OR6C2: variants seen among roughly 807,000 people sequenced by gnomAD.
OR6C2 encodes the protein olfactory receptor family 6 subfamily C member 2.
For missense variants in OR6C2, 435 were observed against 365.8 expected, an observed-to-expected ratio of 1.19 and a Z score of -1.54; for synonymous variants, 146 against 134.2, an observed-to-expected ratio of 1.09 and a Z score of -0.61.
chr12:55,452,254 G>T lies in OR6C2; in HGVS notation c.41G>T (p.Gly14Val), dbSNP rs1208709741. ...HTVIRTFILL[G>V]LTGDPHLQVL... Reference sequence around the variant, plus strand: ...GTAATAAGAACTTTTATCCTGCTGGGACTGACAGGTGACCCACACCTGCAA... The same window carrying T: ...GTAATAAGAACTTTTATCCTGCTGGTACTGACAGGTGACCCACACCTGCAA... The change falls in exon 2 of 2, where the codon GGA (glycine) becomes GTA (valine). Residue 14 changes from glycine (G) to valine (V), a missense_variant. Transcript: ENST00000641202. 1 of 1,609,318 alleles carries T rather than the reference G, an allele frequency of 6.2e-7. No individual in the cohort carries two copies. The highest frequency in any genetic ancestry group is 8.5e-7 in the Non-Finnish European group (1 of 1,177,640).
At chr12:55,448,652 A>AAAAAAAAAAG (rs1263236328) in intron 1 of OR6C2, among the ~76,000 whole-genome samples, 2 of 146,968 alleles carry the variant, frequency 1.4e-5, no homozygotes, top group African/African-American at 5.0e-5. Context: ...GCAAAAAAAA[A>AAAAAAAAAAG]AAAAAAAGAA....
At chr12:55,444,809 G>C (rs1351471898) in intron 1 of OR6C2, among the ~76,000 whole-genome samples, 1 of 152,062 alleles carries the variant, frequency 6.6e-6, no homozygotes, top group African/African-American at 2.4e-5. Flanking sequence ...TGAAGTAGTT[G>C]GGAGAAAATT....
Position 55,451,856 on chromosome 12 carries a change from G to A in OR6C2, c.-358G>A, listed in dbSNP as rs573337010. On this transcript the variant is annotated 5_prime_UTR_variant, in exon 2 of 2. An upstream start codon of the reference 5' UTR is lost. Coordinates refer to ENST00000641202, the MANE Select transcript of OR6C2 (RefSeq NM_054105.2). ...TCAGAGTTTGTCCTGGACAAAAAAT[G>A]TTTAAGTACCTATAAAATGACATCA... The A allele has an allele frequency of 4.2e-4, 77 of 184,328 alleles. No homozygotes were observed. Among genetic ancestry groups the A allele is most frequent in the Non-Finnish European group, 7.9e-4 (71 of 89,388 alleles). 11.4% of individuals were successfully genotyped at this position (184,328 alleles called of 1,614,324 possible).
chr12:55,449,280 A>T (rs1357063042), intron 1 of OR6C2, among the ~76,000 whole-genome samples: 1 of 152,022 alleles, frequency 6.6e-6, no homozygotes. Flanking sequence ...AATACTTTTT[A>T]AAAATGGGTT....
At chr12:55,446,838 A>T (rs1871371868) in intron 1 of OR6C2, among the ~76,000 whole-genome samples, 1 of 152,220 alleles carries the variant, frequency 6.6e-6, no homozygotes, top group South Asian at 2.1e-4. Flanking sequence ...CTGAAGAGAA[A>T]AAGAGATGAG....
chr12:55,453,272 A>T lies in OR6C2; in HGVS notation c.*120A>T. 1 of 672,392 alleles carries T rather than the reference A, an allele frequency of 1.5e-6. No homozygotes were observed. The highest frequency in any genetic ancestry group is 2.7e-5 in the East Asian group (1 of 36,660). 41.7% of individuals were successfully genotyped at this position (672,392 alleles called of 1,614,324 possible). A position where few individuals can be genotyped will look rare whatever the true frequency, so the allele number is the denominator to read the frequency against. On this transcript the variant is annotated 3_prime_UTR_variant, in exon 2 of 2. Transcript: ENST00000641202. Reference sequence around the variant, plus strand: ...TAGTCATGTGAACCTTCTCAATGACATTTAATATTGCATCCTAATCCCATC... The same window carrying T: ...TAGTCATGTGAACCTTCTCAATGACTTTTAATATTGCATCCTAATCCCATC...
At chr12:55,451,010 T>A (rs2120684996) in intron 1 of OR6C2, among the ~76,000 whole-genome samples, 1 of 151,802 alleles carries the variant, frequency 6.6e-6, no homozygotes, top group East Asian at 1.9e-4. Context: ...TGAGGAGACG[T>A]TAATGTCTTT....
rs1269420134 is a variant in OR6C2 at position 55,451,318 on chromosome 12, A to G, written c.-887-9A>G. The G allele has an allele frequency of 6.6e-6, 1 of 151,740 alleles. No individual in the cohort carries two copies. The highest frequency in any genetic ancestry group is 2.4e-5 in the African/African-American group (1 of 41,306). 9.4% of individuals were successfully genotyped at this position (151,740 alleles called of 1,614,324 possible). A position where few individuals can be genotyped will look rare whatever the true frequency, so the allele number is the denominator to read the frequency against. ...CACCTACCCCCGAACCCCCCACTATACTTCCCAGCCTCTGGTAAACATCCT... is the reference window on the plus strand; with the variant it reads ...CACCTACCCCCGAACCCCCCACTATGCTTCCCAGCCTCTGGTAAACATCCT... On this transcript the variant is annotated splice_polypyrimidine_tract_variant and intron_variant, in intron 1 of 1. Coordinates refer to ENST00000641202, the MANE Select transcript of OR6C2 (RefSeq NM_054105.2).
In OR6C2 at chr12:55,453,077, C is replaced by T; in HGVS notation, c.864C>T (p.Tyr288=). The change falls in exon 2 of 2, where the codon TAC becomes TAT. Residue 288 remains tyrosine (Y), a synonymous_variant. Coordinates refer to ENST00000641202, the MANE Select transcript of OR6C2 (RefSeq NM_054105.2). ...CACCCTTGTTGAACCCCTTCATTTA[C>T]ACCTTGAGGAACAAGCAAGTGAAAC... ...SVAPLLNPFI[Y]TLRNKQVKQA... 1 of 1,613,376 alleles carries T rather than the reference C, an allele frequency of 6.2e-7. No individual in the cohort carries two copies. Among genetic ancestry groups the T allele is most frequent in the South Asian group, 1.1e-5 (1 of 91,076 alleles).
At chr12:55,445,412 T>A (rs2062711036) in intron 1 of OR6C2, among the ~76,000 whole-genome samples, 1 of 152,210 alleles carries the variant, frequency 6.6e-6, no homozygotes, top group Admixed American at 6.5e-5. Context: ...CAGTAATTTT[T>A]TATACGCAAA....
At chr12:55,448,975 G>A (rs1871418380) in intron 1 of OR6C2, among the ~76,000 whole-genome samples, 1 of 151,808 alleles carries the variant, frequency 6.6e-6, no homozygotes, top group South Asian at 2.1e-4. Context: ...TTCTATTATA[G>A]CACAGAAAAT....
chr12:55,444,622 G>C (rs145461444), intron 1 of OR6C2, among the ~76,000 whole-genome samples: 1 of 152,112 alleles, frequency 6.6e-6, no homozygotes, highest in East Asian at 1.9e-4. Flanking sequence ...CCTTTGTGTT[G>C]TTGCTCATGA....
At chr12:55,450,910 A>G (rs7980098) in intron 1 of OR6C2, among the ~76,000 whole-genome samples, 33,909 of 152,040 alleles carry the variant, frequency 0.22, 4,001 homozygotes, top group East Asian at 0.5. Flanking sequence ...CCTTAGCTTC[A>G]ACAGTAATGA....
rs1247673619 is a variant in OR6C2, at chr12:55,453,325, C to A, written c.*173C>A. The A allele has an allele frequency of 3.5e-6, 2 of 565,108 alleles. No individual in the cohort carries two copies. Among genetic ancestry groups the A allele is most frequent in the Non-Finnish European group, 6.2e-6 (2 of 321,030 alleles). 35.0% of individuals were successfully genotyped at this position (565,108 alleles called of 1,614,324 possible). A position where few individuals can be genotyped will look rare whatever the true frequency, so the allele number is the denominator to read the frequency against. On this transcript the variant is annotated 3_prime_UTR_variant, in exon 2 of 2. Coordinates refer to ENST00000641202, the MANE Select transcript of OR6C2 (RefSeq NM_054105.2). ...TATCAAAATCCTTATTATTTCGAAC[C>A]AAGGTCATACATTGTGTTTTCCCTC...
chr12:55,451,926 C>T lies in OR6C2; in HGVS notation c.-288C>T, dbSNP rs1871480608. On this transcript the variant is annotated 5_prime_UTR_variant, in exon 2 of 2. Transcript: ENST00000641202. ...TAAATCCATTCCATGTAACAAACTA[C>T]AATCAACTGCATTTGTAAATTCTGA... 3.4e-6 allele frequency: 1 copy of T among 293,682 alleles called. No individual in the cohort carries two copies. Among genetic ancestry groups the T allele is most frequent in the African/African-American group, 2.2e-5 (1 of 46,026 alleles). The allele number at this position is 293,682 out of a possible 1,614,324, so 18.2% of individuals were successfully genotyped here.
At chr12:55,448,651 A>AAAAAAAAAG (rs1484223576) in intron 1 of OR6C2, among the ~76,000 whole-genome samples, 1 of 147,258 alleles carries the variant, frequency 6.8e-6, no homozygotes, top group African/African-American at 2.5e-5. Flanking sequence ...TGCAAAAAAA[A>AAAAAAAAAG]AAAAAAAAGA....
At position 55,444,095 on chromosome 12, in the gene OR6C2, T is replaced by C. The variant is rs1359075853; in HGVS notation, c.-952T>C. 1 of 152,110 alleles carries C rather than the reference T, an allele frequency of 6.6e-6. No individual in the cohort carries two copies. Among genetic ancestry groups the C allele is most frequent in the Non-Finnish European group, 1.5e-5 (1 of 68,000 alleles). 9.4% of individuals were successfully genotyped at this position (152,110 alleles called of 1,614,324 possible). A position where few individuals can be genotyped will look rare whatever the true frequency, so the allele number is the denominator to read the frequency against. ...TTACAACTTCCTTAACACAACACAGTTCAACCCATTAGGGAGCTGCCACCT... is the reference window on the plus strand; with the variant it reads ...TTACAACTTCCTTAACACAACACAGCTCAACCCATTAGGGAGCTGCCACCT... On this transcript the variant is annotated 5_prime_UTR_variant, in exon 1 of 2. Transcript: ENST00000641202.
chr12:55,446,966 CA>C (rs796216107), intron 1 of OR6C2, among the ~76,000 whole-genome samples: 24 of 152,200 alleles, frequency 1.6e-4, no homozygotes, highest in African/African-American at 5.8e-4. Flanking sequence ...ACCGTCAGAA[CA>C]AGTATTCTAT....
intron 1 of OR6C2, among the ~76,000 whole-genome samples, chr12:55,450,876 G>T (rs1052938267): frequency 6.6e-6 from 1 of 152,130 alleles, no homozygotes; most frequent in Admixed American, 6.6e-5. Context: ...GCAATTACAG[G>T]CAGGATTAAA....
Sources: gnomAD v4.1 joint callset for allele counts (sites outside exome capture counted in the v4.1 genomes callset) on GRCh38, gnomAD v4.1.1 for gene constraint, MANE v1.5 for transcripts, NCBI Gene and HGNC (gene_info 2026-07-23, HGNC 2026-07-21) for gene names.